The following SCUBE1 variants were observed in gnomAD, a reference collection of about 807,000 sequenced individuals.
SCUBE1 encodes the protein signal peptide, CUB domain and EGF like domain containing 1.
A neutral mutation model predicts 124.4 loss-of-function variants in SCUBE1; 59 were observed. The ratio of observed to expected loss-of-function variants is 0.47; its 90% CI spans 0.38 to 0.59. SCUBE1 has a LOEUF of 0.59. Ranked by LOEUF, SCUBE1 falls within the 20% of genes least tolerant of loss-of-function variation. SCUBE1 has a pLI of 0.00. For synonymous variants in SCUBE1, 545 were observed against 550.9 expected (o/e 0.99, Z 0.15); for missense variants, 1,150 against 1,371.2 (o/e 0.84, Z 2.55).
At chr22:43,223,469 C>A (rs1425567965) in intron 10 of SCUBE1, among the ~76,000 whole-genome samples, 1 of 152,180 alleles carries the variant, frequency 6.6e-6, no homozygotes, top group Non-Finnish European at 1.5e-5. Flanking sequence ...TGTCCCCATC[C>A]CCAGATCAGA....
chr22:43,213,633 G>A (rs959821913), intron 16 of SCUBE1: 2 of 152,940 alleles, frequency 1.3e-5, no homozygotes, highest in African/African-American at 4.8e-5. Context: ...CCGTCTGTGG[G>A]GCACATAATA....
chr22:43,210,661 T>C lies in SCUBE1; in HGVS notation c.2383+261A>G, dbSNP rs1032569924. On this transcript the variant is annotated intron_variant, in intron 18 of 21. Transcript: ENST00000360835. This position sits in a 1 kb window ranked among gnomAD's most constrained non-coding sequence, Gnocchi z 4.5. ...GCAGGGCCTGGCCCAGGGCAGAGGC[T>C]TGGGCTGTGTTGGGTGAGCAGTGGG... 2.6e-5 allele frequency among the ~76,000 whole-genome samples: 4 copies of C among 152,146 alleles called. No individual in the cohort carries two copies. The highest frequency in any genetic ancestry group is 5.9e-5 in the Non-Finnish European group (4 of 68,016).
rs1210372184 is a variant in SCUBE1, at chr22:43,343,303, C to T, written c.-42G>A. The stretch of plus-strand genomic sequence containing the variant: ...GCTGGGCGTGCGGGCGTGCGGGGCG[C>T]GGGGACCCGACCGACCGGCCGCTCC... On this transcript the variant is annotated 5_prime_UTR_variant, in exon 1 of 22. Transcript: ENST00000360835. 2 of 988,020 alleles carry T rather than the reference C, an allele frequency of 2.0e-6. No individual in the cohort carries two copies. Among genetic ancestry groups the T allele is most frequent in the Non-Finnish European group, 2.5e-6 (2 of 814,198 alleles). 61.2% of individuals were successfully genotyped at this position (988,020 alleles called of 1,614,324 possible). A position where few individuals can be genotyped will look rare whatever the true frequency, so the allele number is the denominator to read the frequency against.
intron 4 of SCUBE1, among the ~76,000 whole-genome samples, chr22:43,286,694 G>A (rs1027530925): frequency 6.6e-6 from 1 of 152,204 alleles, no homozygotes; most frequent in Admixed American, 6.5e-5. Context: ...TACTTAGCAT[G>A]TGATCCCCTG....
chr22:43,238,065 A>G (rs1922841748), intron 7 of SCUBE1: 1 of 152,430 alleles, frequency 6.6e-6, no homozygotes, highest in South Asian at 2.1e-4. Context: ...GAGCCCACCC[A>G]GCTCTCCTCT....
Position 43,298,924 on chromosome 22 carries a change from T to C in SCUBE1, c.350-7744A>G, listed in dbSNP as rs187156755. On this transcript the variant is annotated intron_variant, in intron 3 of 21. Coordinates refer to ENST00000360835, the MANE Select transcript of SCUBE1 (RefSeq NM_173050.5). ...AAAATTAGCCGGGCATGGTGGCGGG[T>C]GCCTGTAGTCCCAGCTGCTTGGGAG... 3.9e-3 allele frequency among the ~76,000 whole-genome samples: 584 copies of C among 151,202 alleles called. 5 individuals are homozygous for C. Among genetic ancestry groups the C allele is most frequent in the South Asian group, 0.036 (174 of 4,770 alleles).
intron 2 of SCUBE1, among the ~76,000 whole-genome samples, chr22:43,321,177 T>C (rs961339550): frequency 6.6e-6 from 1 of 152,064 alleles, no homozygotes; most frequent in African/African-American, 2.4e-5. Context: ...GAAGCCGGGG[T>C]CACTCCCCTA....
chr22:43,317,459 T>C (rs1230894416), intron 3 of SCUBE1, among the ~76,000 whole-genome samples: 2 of 152,184 alleles, frequency 1.3e-5, no homozygotes, highest in African/African-American at 4.8e-5. Context: ...CTGGACATTA[T>C]CTCAGTCACT....
intron 4 of SCUBE1, among the ~76,000 whole-genome samples, chr22:43,274,664 C>T (rs372191201): frequency 2.1e-4 from 32 of 152,320 alleles, no homozygotes; most frequent in African/African-American, 7.5e-4. Context: ...GTGGTAAGAG[C>T]ACTGTGGACA....
At chr22:43,334,017 C>T (rs1453288587) in intron 2 of SCUBE1, among the ~76,000 whole-genome samples, 1 of 152,208 alleles carries the variant, frequency 6.6e-6, no homozygotes, top group African/African-American at 2.4e-5. Context: ...ATTCTTATCA[C>T]AGCAAAGAGC....
intron 3 of SCUBE1, among the ~76,000 whole-genome samples, chr22:43,299,760 G>A (rs941786051): frequency 6.6e-6 from 1 of 152,154 alleles, no homozygotes; most frequent in Non-Finnish European, 1.5e-5. Flanking sequence ...GCCAGAAAGA[G>A]GACCTGTGCC....
At chr22:43,282,566 A>C in intron 4 of SCUBE1, 1 of 150,362 alleles carries the variant, frequency 6.7e-6, no homozygotes, top group African/African-American at 2.5e-5. Flanking sequence ...CTGCTACCCA[A>C]TCTCCCCCCT....
At chr22:43,342,709 G>A (rs1296771149) in intron 1 of SCUBE1, among the ~76,000 whole-genome samples, 2 of 151,632 alleles carry the variant, frequency 1.3e-5, no homozygotes, top group African/African-American at 4.8e-5. Flanking sequence ...CTCGGCGCCG[G>A]CTCTTCTGTC....
At chr22:43,239,842 C>A (rs569705660) in intron 6 of SCUBE1, among the ~76,000 whole-genome samples, 1 of 152,330 alleles carries the variant, frequency 6.6e-6, no homozygotes, top group East Asian at 1.9e-4. Context: ...TCTCTTATAA[C>A]CTGGATCCCC....
At chr22:43,291,464 C>T (rs995831706) in intron 3 of SCUBE1, among the ~76,000 whole-genome samples, 4 of 97,816 alleles carry the variant, frequency 4.1e-5, no homozygotes, top group East Asian at 2.7e-4. Context: ...GTCTCCATCG[C>T]GCTGTGCTAC....
chr22:43,230,032 A>G (rs1177787869), intron 8 of SCUBE1, among the ~76,000 whole-genome samples: 1 of 152,202 alleles, frequency 6.6e-6, no homozygotes, highest in East Asian at 1.9e-4. Flanking sequence ...TATTTATAAA[A>G]CCACTAACAC....
chr22:43,277,985 G>A (rs1404008690), intron 4 of SCUBE1, among the ~76,000 whole-genome samples: 1 of 152,270 alleles, frequency 6.6e-6, no homozygotes, highest in Non-Finnish European at 1.5e-5. Context: ...CTGCAGCTTA[G>A]GGGAAATTTA....
At chr22:43,260,576 C>T (rs1273190646) in intron 5 of SCUBE1, among the ~76,000 whole-genome samples, 4 of 152,356 alleles carry the variant, frequency 2.6e-5, no homozygotes, top group Non-Finnish European at 5.9e-5. Flanking sequence ...GAGCGAATGC[C>T]TCAGAGCTAA....
intron 14 of SCUBE1, among the ~76,000 whole-genome samples, chr22:43,220,127 AG>A (rs986356916): frequency 6.6e-6 from 1 of 152,114 alleles, no homozygotes; most frequent in African/African-American, 2.4e-5. Flanking sequence ...CAACCATTCT[AG>A]GGGGGCTGCA....
Sources: gnomAD v4.1 joint callset for allele counts (sites outside exome capture counted in the v4.1 genomes callset) on GRCh38, gnomAD v4.1.1 for gene constraint, Gnocchi (gnomAD v3.1) non-coding constraint, MANE v1.5 for transcripts, NCBI Gene and HGNC (gene_info 2026-07-23, HGNC 2026-07-21) for gene names.